The following NCAPG2 variants were observed in gnomAD, a reference collection of about 807,000 sequenced individuals.
NCAPG2 encodes the protein non-SMC condensin II complex subunit G2.
A neutral mutation model predicts 141.1 loss-of-function variants in NCAPG2; 53 were observed. The ratio of observed to expected loss-of-function variants is 0.38; its 90% CI spans 0.30 to 0.47. The LOEUF is 0.47. NCAPG2 is among the 20% of genes least tolerant of loss of function. The probability of loss-of-function intolerance (pLI) is 0.99; values close to 1 mark genes in which losing one functional copy is unlikely to be tolerated. For missense variants in NCAPG2, 1,087 were observed against 1,389.0 expected, an observed-to-expected ratio of 0.78 and a Z score of 3.46; for synonymous variants, 499 against 490.7, an observed-to-expected ratio of 1.02 and a Z score of -0.22.
chr7:158,653,762 A>G (rs936750713), intron 22 of NCAPG2, among the ~76,000 whole-genome samples: 1 of 152,254 alleles, frequency 6.6e-6, no homozygotes, highest in African/African-American at 2.4e-5. Context: ...TCTAGCAAAT[A>G]ACTAGGCTTA....
At chr7:158,663,947 C>G (rs1309126867) in intron 15 of NCAPG2, among the ~76,000 whole-genome samples, 1 of 152,152 alleles carries the variant, frequency 6.6e-6, no homozygotes, top group African/African-American at 2.4e-5. Flanking sequence ...AAATCTGGGA[C>G]AAGATGTGAC....
chr7:158,662,374 T>C lies in NCAPG2; in HGVS notation c.1816-7A>G, dbSNP rs1296226812. The C allele has an allele frequency of 6.5e-7, 1 of 1,541,446 alleles. No homozygotes were observed. Among genetic ancestry groups the C allele is most frequent in the Non-Finnish European group, 8.7e-7 (1 of 1,147,048 alleles). ...ACAGTGTTTTGTCCAGAACCTAAGA[T>C]AAAAATAATTTTATTGTGAAAGGAT... On this transcript the variant is annotated splice_polypyrimidine_tract_variant and splice_region_variant and intron_variant, in intron 15 of 27. Transcript: ENST00000356309.
intron 1 of NCAPG2, among the ~76,000 whole-genome samples, chr7:158,702,604 T>A (rs1835881634): frequency 1.3e-5 from 2 of 152,120 alleles, no homozygotes; most frequent in African/African-American, 4.8e-5. Flanking sequence ...TGAAAAAACA[T>A]CAACCTAAAG....
At chr7:158,664,392 AC>A in intron 14 of NCAPG2, 96 bp from the exon 15 acceptor site, 1 of 1,503,736 alleles carries the variant, frequency 6.7e-7, no homozygotes, top group Non-Finnish European at 9.2e-7. Flanking sequence ...AGTCAAAAGT[AC>A]TATTTTAAGG....
intron 8 of NCAPG2, 47 bp downstream of exon 8, chr7:158,686,125 T>C (rs1834739705): frequency 4.3e-6 from 5 of 1,175,932 alleles, no homozygotes; most frequent in Non-Finnish European, 6.0e-6. Flanking sequence ...ATTTAGTAAC[T>C]AAAATATAAT....
At chr7:158,688,403 G>A (rs905354525) in intron 6 of NCAPG2, among the ~76,000 whole-genome samples, 11 of 152,108 alleles carry the variant, frequency 7.2e-5, no homozygotes, top group Non-Finnish European at 1.0e-4. Flanking sequence ...ACATATATAA[G>A]TTAACAAGTA....
At chr7:158,699,940 T>TATTTATTTA (rs1316154922) in intron 2 of NCAPG2, among the ~76,000 whole-genome samples, 32 of 152,226 alleles carry the variant, frequency 2.1e-4, no homozygotes, top group African/African-American at 7.5e-4. Context: ...TTTATTTATT[T>TATTTATTTA]ATTTATTTAT....
chr7:158,686,343 A>C lies in NCAPG2; in HGVS notation c.768-102T>G, dbSNP rs962567111. ...TCCAACCATAGTGAAGAAGAAACTCAGTTTAAACTAGTGCTTTGCAAATCA... is the reference window on the plus strand; with the variant it reads ...TCCAACCATAGTGAAGAAGAAACTCCGTTTAAACTAGTGCTTTGCAAATCA... On this transcript the variant is annotated intron_variant, in intron 7 of 27. Transcript: ENST00000356309. 9.9e-6 allele frequency: 6 copies of C among 606,758 alleles called. No individual in the cohort carries two copies. The South Asian group carries it at 1.6e-4, about 16-fold the overall frequency. 37.6% of individuals were successfully genotyped at this position (606,758 alleles called of 1,614,324 possible). A position where few individuals can be genotyped will look rare whatever the true frequency, so the allele number is the denominator to read the frequency against.
intron 12 of NCAPG2, among the ~76,000 whole-genome samples, chr7:158,675,142 T>C (rs1833974115): frequency 3.3e-5 from 5 of 152,168 alleles, no homozygotes; most frequent in Admixed American, 3.3e-4. Flanking sequence ...TACTAAAAAA[T>C]TACTTAAGTG....
intron 25 of NCAPG2, among the ~76,000 whole-genome samples, 180 bp downstream of exon 25, chr7:158,646,276 CTGTG>C (rs1195416950): frequency 6.7e-6 from 1 of 150,026 alleles, no homozygotes; most frequent in Non-Finnish European, 1.5e-5. Flanking sequence ...GAATTTTTCT[CTGTG>C]TAAGTTTAAT....
At position 158,631,412 on chromosome 7, in the gene NCAPG2, G is replaced by T. The variant is rs1829887373; in HGVS notation, c.*254C>A. Reference sequence around the variant, plus strand: ...TTTGCTAGAAAAGTGTTTTTTCTTGGAATCATGGATTTCTACACCATTCAT... The same window carrying T: ...TTTGCTAGAAAAGTGTTTTTTCTTGTAATCATGGATTTCTACACCATTCAT... On this transcript the variant is annotated 3_prime_UTR_variant, in exon 28 of 28. Coordinates refer to ENST00000356309, the MANE Select transcript of NCAPG2 (RefSeq NM_017760.7). 4.5e-6 allele frequency: 2 copies of T among 447,422 alleles called. No homozygotes were observed. The highest frequency in any genetic ancestry group is 7.7e-6 in the Non-Finnish European group (2 of 258,540). The allele number at this position is 447,422 out of a possible 1,614,324, so 27.7% of individuals were successfully genotyped here.
chr7:158,660,895 A>T (rs1024099744), intron 16 of NCAPG2, among the ~76,000 whole-genome samples: 1 of 151,996 alleles, frequency 6.6e-6, no homozygotes, highest in Non-Finnish European at 1.5e-5. Context: ...ACGAGATCTG[A>T]TGGTTCTCTA....
chr7:158,659,716 T>C (rs990897378), intron 16 of NCAPG2, among the ~76,000 whole-genome samples: 2 of 152,034 alleles, frequency 1.3e-5, no homozygotes, highest in Non-Finnish European at 2.9e-5. Context: ...TTCCTGAAAA[T>C]ACATATGAAA....
At chr7:158,694,030 G>T (rs1333937625) in intron 2 of NCAPG2, among the ~76,000 whole-genome samples, 1 of 152,152 alleles carries the variant, frequency 6.6e-6, no homozygotes, top group African/African-American at 2.4e-5. Flanking sequence ...TCCAATTAAA[G>T]GGACTCCCTA....
chr7:158,649,796 GT>G (rs1274739831), intron 24 of NCAPG2, among the ~76,000 whole-genome samples: 2 of 152,080 alleles, frequency 1.3e-5, no homozygotes, highest in African/African-American at 4.8e-5. Context: ...ATACAGAGAA[GT>G]TTTTTTCTCT....
At chr7:158,654,549 G>A (rs1343551683) in intron 22 of NCAPG2, 46 bp downstream of exon 22, 2 of 1,565,154 alleles carry the variant, frequency 1.3e-6, no homozygotes, top group South Asian at 1.1e-5. Context: ...AGGGAGGGAA[G>A]GACTGGTTCT....
chr7:158,674,664 C>A (rs567284813), intron 12 of NCAPG2, among the ~76,000 whole-genome samples: 2 of 152,222 alleles, frequency 1.3e-5, no homozygotes, highest in African/African-American at 4.8e-5. Context: ...CAGAAGCTCC[C>A]ACTAGGGCAT....
intron 13 of NCAPG2, among the ~76,000 whole-genome samples, chr7:158,670,866 G>A (rs1337202777): frequency 6.6e-6 from 1 of 152,122 alleles, no homozygotes; most frequent in Non-Finnish European, 1.5e-5. Flanking sequence ...TGCCATAGCA[G>A]AACAGCACTC....
At chr7:158,678,531 G>A (rs1346161836) in intron 11 of NCAPG2, among the ~76,000 whole-genome samples, 2 of 151,874 alleles carry the variant, frequency 1.3e-5, no homozygotes, top group Admixed American at 1.3e-4. Flanking sequence ...AAGAGTCAGG[G>A]TCTCGCTCTA....
Sources: gnomAD v4.1 joint callset for allele counts (sites outside exome capture counted in the v4.1 genomes callset) on GRCh38, gnomAD v4.1.1 for gene constraint, MANE v1.5 for transcripts, NCBI Gene and HGNC (gene_info 2026-07-23, HGNC 2026-07-21) for gene names.